The following FMNL2 variants were observed in gnomAD, a reference collection of about 807,000 sequenced individuals.
FMNL2 encodes formin like 2, also known as formin-like protein 2.
In FMNL2, 51 loss-of-function variants were observed where a neutral mutation model predicts 130.2. That is an observed-to-expected ratio of 0.39 (90% CI 0.31 to 0.49). The LOEUF (loss-of-function observed/expected upper bound fraction) is 0.49. FMNL2 is among the 20% of genes least tolerant of loss of function. The pLI, the probability that FMNL2 is intolerant of heterozygous loss-of-function variation, is 0.85. For synonymous variants in FMNL2, 465 were observed against 467.1 expected, an observed-to-expected ratio of 1.00 and a Z score of 0.06; for missense variants, 977 against 1,316.2, an observed-to-expected ratio of 0.74 and a Z score of 3.99.
At chr2:152,594,502 G>A (rs1697647691) in intron 9 of FMNL2, among the ~76,000 whole-genome samples, 1 of 152,164 alleles carries the variant, frequency 6.6e-6, no homozygotes, top group Admixed American at 6.5e-5. Flanking sequence ...TCAATCCCTT[G>A]GCTCAAGTTT....
intron 12 of FMNL2, among the ~76,000 whole-genome samples, chr2:152,616,501 T>C (rs1698958977): frequency 6.6e-6 from 1 of 151,948 alleles, no homozygotes; most frequent in African/African-American, 2.4e-5. Context: ...TGGCTAATTT[T>C]TGTATTTTTT....
intron 1 of FMNL2, among the ~76,000 whole-genome samples, chr2:152,374,805 C>T (rs1684071108): frequency 6.6e-6 from 1 of 152,154 alleles, no homozygotes. Flanking sequence ...ATTATTTTCC[C>T]TTTGGTCCTA....
At chr2:152,346,175 C>T (rs1399680031) in intron 1 of FMNL2, among the ~76,000 whole-genome samples, 2 of 152,056 alleles carry the variant, frequency 1.3e-5, no homozygotes, top group Non-Finnish European at 2.9e-5. Flanking sequence ...CAGGTGCATG[C>T]CTCTGTGCCC....
At chr2:152,419,909 A>T (rs1196399335) in intron 1 of FMNL2, among the ~76,000 whole-genome samples, 1 of 152,208 alleles carries the variant, frequency 6.6e-6, no homozygotes, top group African/African-American at 2.4e-5. Context: ...AAAATGGATT[A>T]AACCAAGACT....
At chr2:152,503,880 T>G (rs72621656) in intron 1 of FMNL2, among the ~76,000 whole-genome samples, 13,039 of 152,180 alleles carry the variant, frequency 0.086, 1,207 homozygotes, top group East Asian at 0.49. Context: ...GGGGAACTGT[T>G]TACACATTCC....
At chr2:152,553,906 A>G (rs973424495) in intron 4 of FMNL2, among the ~76,000 whole-genome samples, 6 of 152,236 alleles carry the variant, frequency 3.9e-5, no homozygotes, top group African/African-American at 1.4e-4. Context: ...TCAACATTCA[A>G]TTTGTCGTGA....
chr2:152,401,861 G>T, intron 1 of FMNL2, among the ~76,000 whole-genome samples: 1 of 145,092 alleles, frequency 6.9e-6, no homozygotes, highest in Admixed American at 6.9e-5. Flanking sequence ...GAAAAAAACT[G>T]AACTATTTTT....
intron 1 of FMNL2, among the ~76,000 whole-genome samples, chr2:152,434,257 T>C (rs538483144): frequency 2.6e-4 from 40 of 152,284 alleles, no homozygotes; most frequent in African/African-American, 9.4e-4. Flanking sequence ...CAGGAAAGTA[T>C]GCACGGTGAA....
chr2:152,454,743 C>A (rs1036812139), intron 1 of FMNL2, among the ~76,000 whole-genome samples: 2 of 152,180 alleles, frequency 1.3e-5, no homozygotes, highest in Non-Finnish European at 2.9e-5. Context: ...AATGATTGGA[C>A]CTTTCATCAG....
chr2:152,637,711 G>A (rs1682743565), intron 23 of FMNL2, 37 bp downstream of exon 23: 3 of 1,572,916 alleles, frequency 1.9e-6, no homozygotes, highest in Non-Finnish European at 2.6e-6. Flanking sequence ...TATTTCTCAA[G>A]CAATTGCCCT....
chr2:152,481,482 G>A lies in FMNL2; in HGVS notation c.118-40461G>A, dbSNP rs571671533. 7.2e-5 allele frequency among the ~76,000 whole-genome samples: 11 copies of A among 152,244 alleles called. No individual in the cohort carries two copies. In the East Asian group the frequency reaches 1.7e-3, roughly 24 times the overall value. On this transcript the variant is annotated intron_variant, in intron 1 of 25. Coordinates refer to ENST00000288670, the MANE Select transcript of FMNL2 (RefSeq NM_052905.4). ...CCCTGGTATTTCACGTGAGACTCAC[G>A]TGGGGAGCTTTAAAAAATAGTGCTG...
intron 1 of FMNL2, among the ~76,000 whole-genome samples, chr2:152,412,496 AT>A (rs1558841108): frequency 5.2e-4 from 40 of 77,422 alleles, no homozygotes; most frequent in African/African-American, 1.5e-3. Flanking sequence ...ATATATATAT[AT>A]ATATAAATTA....
chr2:152,587,684 T>A (rs556802987), intron 9 of FMNL2, among the ~76,000 whole-genome samples: 1 of 152,346 alleles, frequency 6.6e-6, no homozygotes, highest in East Asian at 1.9e-4. Flanking sequence ...TTACCATTAG[T>A]GTCTTTAACA....
intron 1 of FMNL2, among the ~76,000 whole-genome samples, chr2:152,359,122 A>G (rs1188218074): frequency 6.6e-6 from 1 of 152,222 alleles, no homozygotes; most frequent in East Asian, 1.9e-4. Flanking sequence ...AGTTTTACAA[A>G]CATAAATAAA....
At chr2:152,554,387 A>G (rs1695098241) in intron 4 of FMNL2, among the ~76,000 whole-genome samples, 1 of 152,220 alleles carries the variant, frequency 6.6e-6, no homozygotes, top group African/African-American at 2.4e-5. Context: ...AGCCTCAGCA[A>G]CAAAGTAAGA....
intron 15 of FMNL2, among the ~76,000 whole-genome samples, chr2:152,621,481 T>C (rs915667985): frequency 6.6e-6 from 1 of 152,182 alleles, no homozygotes; most frequent in African/African-American, 2.4e-5. Flanking sequence ...AGCTCTGTGC[T>C]TGGCTGATAA....
At chr2:152,496,980 G>A (rs1024129956) in intron 1 of FMNL2, among the ~76,000 whole-genome samples, 3 of 151,924 alleles carry the variant, frequency 2.0e-5, no homozygotes, top group African/African-American at 7.3e-5. Flanking sequence ...CCTTATTAGA[G>A]AAAGGTATAT....
intron 1 of FMNL2, among the ~76,000 whole-genome samples, chr2:152,462,983 C>T (rs952989770): frequency 6.6e-6 from 1 of 152,244 alleles, no homozygotes; most frequent in East Asian, 1.9e-4. Context: ...TGTTTGTAGT[C>T]CAACAGATTC....
chr2:152,346,458 CA>C, intron 1 of FMNL2, among the ~76,000 whole-genome samples: 1 of 152,126 alleles, frequency 6.6e-6, no homozygotes, highest in Non-Finnish European at 1.5e-5. Flanking sequence ...CCAGCCTGGG[CA>C]ACAGCAAGAT....
Sources: gnomAD v4.1 joint callset for allele counts (sites outside exome capture counted in the v4.1 genomes callset) on GRCh38, gnomAD v4.1.1 for gene constraint, MANE v1.5 for transcripts, NCBI Gene and HGNC (gene_info 2026-07-23, HGNC 2026-07-21) for gene names.